HHAT: variants seen among roughly 807,000 people sequenced by gnomAD.
HHAT encodes hedgehog acyltransferase, also known as protein-cysteine N-palmitoyltransferase HHAT.
A neutral mutation model predicts 70.8 loss-of-function variants in HHAT; 47 were observed. That is an observed-to-expected ratio of 0.66 (90% CI 0.53 to 0.85). HHAT has a LOEUF of 0.85. Ranked by LOEUF, HHAT falls within the 40% of genes least tolerant of loss-of-function variation. The probability of loss-of-function intolerance (pLI) is 0.00; values close to 1 mark genes in which losing one functional copy is unlikely to be tolerated. For synonymous variants in HHAT, 228 were observed against 247.6 expected, an observed-to-expected ratio of 0.92 and a Z score of 0.74; for missense variants, 609 against 604.8, an observed-to-expected ratio of 1.01 and a Z score of -0.07.
At chr1:210,654,974 T>C (rs548962024) in intron 11 of HHAT, among the ~76,000 whole-genome samples, 22 of 152,302 alleles carry the variant, frequency 1.4e-4, no homozygotes, top group Non-Finnish European at 2.5e-4. Context: ...CCCATCACTT[T>C]AGAGGAATCA....
chr1:210,442,571 T>C (rs2093544444), intron 7 of HHAT, among the ~76,000 whole-genome samples: 2 of 152,008 alleles, frequency 1.3e-5, no homozygotes, highest in Non-Finnish European at 2.9e-5. Flanking sequence ...TATCTCATTG[T>C]GGTTTTGATT....
chr1:210,568,264 G>GT (rs146097371), intron 9 of HHAT, among the ~76,000 whole-genome samples: 3,362 of 152,342 alleles, frequency 0.022, 108 homozygotes, highest in African/African-American at 0.074. Flanking sequence ...GGGAGGGCAT[G>GT]TAAGTTCTGA....
chr1:210,447,508 A>G (rs1390578403), intron 7 of HHAT, among the ~76,000 whole-genome samples: 1 of 152,248 alleles, frequency 6.6e-6, no homozygotes, highest in Non-Finnish European at 1.5e-5. Flanking sequence ...GCCGATCAGA[A>G]AGGGAGTTGG....
chr1:210,428,977 C>T (rs867140428), intron 7 of HHAT, among the ~76,000 whole-genome samples: 2 of 151,672 alleles, frequency 1.3e-5, no homozygotes, highest in Non-Finnish European at 2.9e-5. Flanking sequence ...AGACTCTGTC[C>T]CTCGCTTCCC....
intron 7 of HHAT, 56 bp downstream of exon 7, chr1:210,418,381 T>A: frequency 6.8e-7 from 1 of 1,480,028 alleles, no homozygotes; most frequent in Non-Finnish European, 9.0e-7. Flanking sequence ...ACAGTTAGCA[T>A]CAGAATGGAG....
chr1:210,412,524 C>T (rs781655738), intron 6 of HHAT, among the ~76,000 whole-genome samples: 1 of 152,214 alleles, frequency 6.6e-6, no homozygotes, highest in Non-Finnish European at 1.5e-5. Context: ...AGGATGGACA[C>T]TCCAATTCCA....
chr1:210,506,260 A>G (rs1010936045), intron 8 of HHAT, among the ~76,000 whole-genome samples: 1 of 152,136 alleles, frequency 6.6e-6, no homozygotes, highest in Admixed American at 6.5e-5. Flanking sequence ...ACAGTCTACT[A>G]ATTTGCTAAT....
chr1:210,516,737 T>TAA (rs35733551), intron 9 of HHAT, among the ~76,000 whole-genome samples: 62 of 146,548 alleles, frequency 4.2e-4, no homozygotes, highest in African/African-American at 1.1e-3. Context: ...GTGTTTGGCA[T>TAA]AAAAAAAAAA....
chr1:210,453,538 C>G (rs1055022781), intron 7 of HHAT, among the ~76,000 whole-genome samples: 1 of 152,060 alleles, frequency 6.6e-6, no homozygotes, highest in African/African-American at 2.4e-5. Flanking sequence ...CCCCCTTTCT[C>G]TCCTTCCCCC....
intron 11 of HHAT, among the ~76,000 whole-genome samples, chr1:210,638,153 A>G (rs978327166): frequency 6.6e-6 from 1 of 152,216 alleles, no homozygotes; most frequent in Non-Finnish European, 1.5e-5. Flanking sequence ...AAAGTTAAAC[A>G]TAGAGTTACT....
chr1:210,590,390 G>C (rs1359532095), intron 10 of HHAT: 1 of 151,990 alleles, frequency 6.6e-6, no homozygotes, highest in Non-Finnish European at 1.5e-5. Flanking sequence ...AGTATTCAGA[G>C]TTCTCCAGAG....
At chr1:210,587,846 G>A in intron 9 of HHAT, 52 bp from the exon 10 acceptor site, 1 of 1,349,294 alleles carries the variant, frequency 7.4e-7, no homozygotes, top group South Asian at 1.2e-5. Context: ...GGAGCAGATA[G>A]AGTTGCAGGG....
intron 11 of HHAT, among the ~76,000 whole-genome samples, chr1:210,668,137 T>G (rs1194783843): frequency 2.0e-5 from 3 of 152,238 alleles, no homozygotes; most frequent in Non-Finnish European, 4.4e-5. Flanking sequence ...GTAGCATGTG[T>G]CAGAATTCCT....
At chr1:210,558,441 A>AG (rs2095592300) in intron 9 of HHAT, among the ~76,000 whole-genome samples, 1 of 152,228 alleles carries the variant, frequency 6.6e-6, no homozygotes, top group African/African-American at 2.4e-5. Flanking sequence ...GTTGTCCCTA[A>AG]GAGCAGATGC....
At chr1:210,466,839 A>T (rs2094118632) in intron 8 of HHAT, among the ~76,000 whole-genome samples, 1 of 152,210 alleles carries the variant, frequency 6.6e-6, no homozygotes, top group Non-Finnish European at 1.5e-5. Flanking sequence ...ATGTCTGTCA[A>T]GACCTTTGTC....
At chr1:210,464,358 G>A (rs1287448363) in intron 7 of HHAT, 147 bp from the exon 8 acceptor site, 1 of 762,374 alleles carries the variant, frequency 1.3e-6, no homozygotes, top group Admixed American at 2.3e-5. Flanking sequence ...AACCAGTGTG[G>A]AATACTTTTG....
At chr1:210,374,469 G>T (rs1390939521) in intron 3 of HHAT, among the ~76,000 whole-genome samples, 1 of 152,168 alleles carries the variant, frequency 6.6e-6, no homozygotes, top group Non-Finnish European at 1.5e-5. Context: ...GGTACTATGG[G>T]TATGCAAATG....
chr1:210,644,302 C>G (rs1673575416), intron 11 of HHAT, among the ~76,000 whole-genome samples: 1 of 152,240 alleles, frequency 6.6e-6, no homozygotes, highest in South Asian at 2.1e-4. Context: ...AGTGCGTCAT[C>G]TAAGAAGAAG....
chr1:210,658,240 T>C (rs1398593629), intron 11 of HHAT, among the ~76,000 whole-genome samples: 3 of 152,276 alleles, frequency 2.0e-5, no homozygotes, highest in East Asian at 1.9e-4. Context: ...CGAGCTTTCA[T>C]TGGGTGTCCA....
Sources: gnomAD v4.1 joint callset for allele counts (sites outside exome capture counted in the v4.1 genomes callset) on GRCh38, gnomAD v4.1.1 for gene constraint, MANE v1.5 for transcripts, NCBI Gene and HGNC (gene_info 2026-07-23, HGNC 2026-07-21) for gene names.